PLCXD3: variants seen among roughly 807,000 people sequenced by gnomAD.
PLCXD3 encodes PI-PLC X domain-containing protein 3.
A neutral mutation model predicts 25.5 loss-of-function variants in PLCXD3; 19 were observed. The observed-to-expected ratio is 0.75, with a 90% confidence interval of 0.52 to 1.09. The LOEUF (loss-of-function observed/expected upper bound fraction) is 1.09. PLCXD3 is among the 50% of genes least tolerant of loss of function. The pLI, the probability that PLCXD3 is intolerant of heterozygous loss-of-function variation, is 0.00. For synonymous variants in PLCXD3, 174 were observed against 137.6 expected (o/e 1.26, Z -1.85); for missense variants, 411 against 388.1 (o/e 1.06, Z -0.50).
At chr5:41,342,528 A>G (rs1227848269) in intron 2 of PLCXD3, among the ~76,000 whole-genome samples, 3 of 152,192 alleles carry the variant, frequency 2.0e-5, no homozygotes, top group Non-Finnish European at 4.4e-5. Context: ...ATGAAGGTTC[A>G]CAAATGATAT....
intron 1 of PLCXD3, among the ~76,000 whole-genome samples, chr5:41,471,687 C>G (rs1748160849): frequency 6.6e-6 from 1 of 152,206 alleles, no homozygotes; most frequent in African/African-American, 2.4e-5. Flanking sequence ...GATATTAGAA[C>G]ACTGTAACTC....
chr5:41,382,315 T>C lies in PLCXD3; in HGVS notation c.323A>G (p.Asn108Ser), dbSNP rs1745489716. The C allele has an allele frequency of 6.2e-7, 1 of 1,613,592 alleles. No individual in the cohort carries two copies. ...CAAACCATGAGCAAAATAGAGTTCA[T>C]TGTCGGGGTCTCTGGGCTTGGTGGA... ...RISTKPRDPDNELYFAHGLFS... is the reference protein window; with the variant it reads ...RISTKPRDPDSELYFAHGLFS... Residue 108 changes from asparagine (N) to serine (S), a missense_variant, in exon 2 of 3, where the codon AAT (asparagine) becomes AGT (serine). Physicochemically the swap from Asn to Ser is conservative, Grantham distance 46. Coordinates refer to ENST00000377801, the MANE Select transcript of PLCXD3 (RefSeq NM_001005473.3).
intron 2 of PLCXD3, among the ~76,000 whole-genome samples, chr5:41,340,828 A>G (rs1173603314): frequency 1.3e-5 from 2 of 152,216 alleles, no homozygotes; most frequent in Non-Finnish European, 2.9e-5. Context: ...ACTGGAAGTC[A>G]TTAAGTGGAA....
chr5:41,412,033 C>T (rs1001710011), intron 1 of PLCXD3, among the ~76,000 whole-genome samples: 10 of 151,600 alleles, frequency 6.6e-5, no homozygotes, highest in African/African-American at 2.4e-4. Context: ...ATTTAGAGCA[C>T]ACACAGACAC....
At chr5:41,382,785 A>C (rs1220958616) in intron 1 of PLCXD3, among the ~76,000 whole-genome samples, 8 of 152,148 alleles carry the variant, frequency 5.3e-5, no homozygotes, top group African/African-American at 1.9e-4. Context: ...TTAAAATTTA[A>C]ATAATCATCT....
At chr5:41,359,586 T>G (rs1046988475) in intron 2 of PLCXD3, among the ~76,000 whole-genome samples, 1 of 152,228 alleles carries the variant, frequency 6.6e-6, no homozygotes, top group African/African-American at 2.4e-5. Flanking sequence ...ATTTCATTTC[T>G]AATTGAACTT....
At chr5:41,440,173 C>G (rs1162221667) in intron 1 of PLCXD3, among the ~76,000 whole-genome samples, 1 of 133,052 alleles carries the variant, frequency 7.5e-6, no homozygotes, top group Non-Finnish European at 1.6e-5. Context: ...AGCTCCGTTA[C>G]TTATTAGCTA....
At chr5:41,385,944 C>A (rs1320825252) in intron 1 of PLCXD3, among the ~76,000 whole-genome samples, 2 of 152,074 alleles carry the variant, frequency 1.3e-5, no homozygotes, top group South Asian at 2.1e-4. Context: ...GATTGCAGCC[C>A]TGTGAGAGAG....
intron 1 of PLCXD3, among the ~76,000 whole-genome samples, chr5:41,400,194 C>T (rs1030038953): frequency 1.3e-5 from 2 of 151,930 alleles, no homozygotes; most frequent in Non-Finnish European, 2.9e-5. Context: ...ATAATATATG[C>T]TGGAGAGAAT....
intron 1 of PLCXD3, among the ~76,000 whole-genome samples, chr5:41,421,969 T>G (rs561343317): frequency 7.8e-6 from 1 of 127,772 alleles, no homozygotes; most frequent in African/African-American, 3.0e-5. Flanking sequence ...CTCAGAAATA[T>G]AAACAACCTA....
intron 2 of PLCXD3, among the ~76,000 whole-genome samples, chr5:41,350,879 TG>T (rs1744440751): frequency 6.6e-6 from 1 of 152,202 alleles, no homozygotes; most frequent in East Asian, 1.9e-4. Flanking sequence ...TTGTAGAATC[TG>T]GGACTGGTAA....
chr5:41,452,593 A>G (rs1355134028), intron 1 of PLCXD3, among the ~76,000 whole-genome samples: 1 of 152,056 alleles, frequency 6.6e-6, no homozygotes, highest in Non-Finnish European at 1.5e-5. Flanking sequence ...CAAATGAAAA[A>G]TCACAAAAGC....
chr5:41,437,793 A>G (rs990102762), intron 1 of PLCXD3, among the ~76,000 whole-genome samples: 2 of 152,126 alleles, frequency 1.3e-5, no homozygotes, highest in Non-Finnish European at 2.9e-5. Context: ...GGTATCACCT[A>G]ATTAAGTTTT....
intron 1 of PLCXD3, among the ~76,000 whole-genome samples, chr5:41,486,124 A>G (rs1021836539): frequency 1.3e-5 from 2 of 152,164 alleles, no homozygotes; most frequent in African/African-American, 4.8e-5. Flanking sequence ...TTAAGCCTAG[A>G]GAGAAAAGTC....
At chr5:41,438,599 G>A (rs1220745286) in intron 1 of PLCXD3, among the ~76,000 whole-genome samples, 2 of 152,152 alleles carry the variant, frequency 1.3e-5, no homozygotes, top group Non-Finnish European at 2.9e-5. Context: ...TTTGCTGAGA[G>A]TTCCTCTTTC....
rs532464509 is a variant in PLCXD3, at chr5:41,316,391, C to A, written c.813-2621G>T. Among the ~76,000 whole-genome samples the A allele has an allele frequency of 5.9e-5, 9 of 152,298 alleles. No homozygotes were observed. In the South Asian group the frequency reaches 1.9e-3, roughly 32 times the overall value. On this transcript the variant is annotated intron_variant, in intron 2 of 2. Transcript: ENST00000377801. ...ACTACATCTTGGGTCTTGGGTGAACCTCTGAGGCTTGCTTGCAAGTAAGAC... is the reference window on the plus strand; with the variant it reads ...ACTACATCTTGGGTCTTGGGTGAACATCTGAGGCTTGCTTGCAAGTAAGAC...
intron 1 of PLCXD3, among the ~76,000 whole-genome samples, chr5:41,488,075 T>TC (rs1209646233): frequency 1.6e-5 from 1 of 61,456 alleles, no homozygotes; most frequent in African/African-American, 5.9e-5. Context: ...CCCTCCCCCC[T>TC]CCCCCCACGC....
At chr5:41,473,067 C>T (rs533224626) in intron 1 of PLCXD3, among the ~76,000 whole-genome samples, 1 of 151,936 alleles carries the variant, frequency 6.6e-6, no homozygotes, top group East Asian at 1.9e-4. Flanking sequence ...AAGTGTTCTA[C>T]TTTCTAGAGC....
intron 1 of PLCXD3, among the ~76,000 whole-genome samples, chr5:41,453,610 A>G (rs1747686977): frequency 6.6e-6 from 1 of 151,992 alleles, no homozygotes; most frequent in Non-Finnish European, 1.5e-5. Flanking sequence ...GTGTTTTACA[A>G]AGTTGTTTTG....
Sources: gnomAD v4.1 joint callset for allele counts (sites outside exome capture counted in the v4.1 genomes callset) on GRCh38, gnomAD v4.1.1 for gene constraint, MANE v1.5 for transcripts, NCBI Gene and HGNC (gene_info 2026-07-23, HGNC 2026-07-21) for gene names.